TRIM13: variants seen among roughly 807,000 people sequenced by gnomAD.
TRIM13 encodes the protein E3 ubiquitin-protein ligase TRIM13.
A neutral mutation model predicts 27.1 loss-of-function variants in TRIM13; 15 were observed. The observed-to-expected ratio is 0.55, with a 90% CI of 0.37 to 0.85. TRIM13 has a LOEUF of 0.85. TRIM13 is among the 40% of genes least tolerant of loss of function. The probability of loss-of-function intolerance (pLI) is 0.00; values close to 1 mark genes in which losing one functional copy is unlikely to be tolerated. For synonymous variants in TRIM13, 193 were observed against 171.5 expected, an observed-to-expected ratio of 1.13 and a Z score of -0.98; for missense variants, 402 against 472.2, an observed-to-expected ratio of 0.85 and a Z score of 1.38.
chr13:50,016,051 T>C lies in TRIM13; in HGVS notation c.*2887T>C. ...TCCAGTGTGGTTCTGACAGCACTAC[T>C]GATAACCAAACTGGAGTCAGGTATT... On this transcript the variant is annotated 3_prime_UTR_variant, in exon 2 of 2. Transcript: ENST00000378182. The C allele has an allele frequency of 6.2e-7, 1 of 1,613,208 alleles. No individual in the cohort carries two copies. Among genetic ancestry groups the C allele is most frequent in the Non-Finnish European group, 8.5e-7 (1 of 1,179,186 alleles).
In TRIM13 at chr13:50,013,901, G is replaced by T. The variant is rs1594587447; in HGVS notation, c.*737G>T. The T allele has an allele frequency of 1.8e-5, 3 of 166,788 alleles. No homozygotes were observed. The Admixed American group carries it at 2.0e-4, about 11-fold the overall frequency. The allele number at this position is 166,788 out of a possible 1,614,324, so 10.3% of individuals were successfully genotyped here. ...GGTCTAAAAAAGGGAAGATATTGTA[G>T]AAGATTTCACACACACACGCGTGTG... On this transcript the variant is annotated 3_prime_UTR_variant, in exon 2 of 2. Transcript: ENST00000378182.
Position 50,012,201 on chromosome 13 carries a change from C to T in TRIM13, c.261C>T (p.Ile87=). The change falls in exon 2 of 2, where the codon ATC becomes ATT. Residue 87 remains isoleucine, a synonymous_variant. Coordinates refer to ENST00000378182, the MANE Select transcript of TRIM13 (RefSeq NM_213590.3). ...GIVEKYNKIK[I]SPKMPVCKGH... The stretch of plus-strand genomic sequence containing the variant: ...TGGAAAAGTATAACAAGATCAAGAT[C>T]TCTCCCAAAATGCCAGTATGCAAAG... 6.2e-7 allele frequency: 1 copy of T among 1,614,156 alleles called. No homozygotes were observed. Among genetic ancestry groups the T allele is most frequent in the Admixed American group, 1.7e-5 (1 of 60,008 alleles).
At position 50,015,119 on chromosome 13, in the gene TRIM13, A is replaced by T. The variant is rs1406398529; in HGVS notation, c.*1955A>T. On this transcript the variant is annotated 3_prime_UTR_variant, in exon 2 of 2. Coordinates refer to ENST00000378182, the MANE Select transcript of TRIM13 (RefSeq NM_213590.3). ...AATATATATATATATATATATATATATATATATATATATATATATATATAT... is the reference window on the plus strand; with the variant it reads ...AATATATATATATATATATATATATTTATATATATATATATATATATATAT... The T allele has an allele frequency of 4.6e-4, 13 of 27,984 alleles. 1 individual carries two copies. The highest frequency in any genetic ancestry group is 1.3e-3 in the Non-Finnish European group (12 of 9,334). 1.7% of individuals were successfully genotyped at this position (27,984 alleles called of 1,614,324 possible). A position where few individuals can be genotyped will look rare whatever the true frequency, so the allele number is the denominator to read the frequency against.
chr13:50,013,057 G>T lies in TRIM13; in HGVS notation c.1117G>T (p.Glu373Ter). ...CATAGAACAATCAGTTTTTTACTGG[G>T]AACAGGTGACAGATGGGTTTTTCAT... ...DFIEQSVFYW[E>*]QVTDGFFIFN... Residue 373 changes from glutamate (E) to a stop codon, truncating the protein, a stop_gained, in exon 2 of 2, where the codon GAA becomes TAA. Transcript: ENST00000378182. LOFTEE classifies it high-confidence loss of function. The T allele has an allele frequency of 6.2e-7, 1 of 1,613,892 alleles. No individual in the cohort carries two copies. Among genetic ancestry groups the T allele is most frequent in the South Asian group, 1.1e-5 (1 of 91,046 alleles).
At chr13:50,004,748 T>G (rs1000395701) in intron 1 of TRIM13, among the ~76,000 whole-genome samples, 7 of 144,896 alleles carry the variant, frequency 4.8e-5, no homozygotes, top group African/African-American at 1.8e-4. Flanking sequence ...CCACTGCACT[T>G]CAGTCTGGGT....
intron 1 of TRIM13, among the ~76,000 whole-genome samples, chr13:49,999,343 T>A (rs1262618437): frequency 6.6e-6 from 1 of 152,066 alleles, no homozygotes; most frequent in Non-Finnish European, 1.5e-5. Context: ...CAAAATCGAT[T>A]GCGTTTCACC....
chr13:49,997,989 T>C (rs1873447794), intron 1 of TRIM13, among the ~76,000 whole-genome samples: 1 of 152,198 alleles, frequency 6.6e-6, no homozygotes, highest in African/African-American at 2.4e-5. Flanking sequence ...AACATTCATA[T>C]TACAAAGGAA....
At chr13:49,998,927 CAAAA>C (rs564684054) in intron 1 of TRIM13, among the ~76,000 whole-genome samples, 1 of 109,068 alleles carries the variant, frequency 9.2e-6, no homozygotes, top group Non-Finnish European at 2.0e-5. Flanking sequence ...GAGACTCTAC[CAAAA>C]AAAAAAAAAA....
rs1017526016 is a variant in TRIM13, at chr13:50,016,740, T to C, written c.*3576T>C. 85 of 167,068 alleles carry C rather than the reference T, an allele frequency of 5.1e-4. No individual in the cohort carries two copies. The highest frequency in any genetic ancestry group is 7.9e-4 in the Non-Finnish European group (54 of 68,080). 10.3% of individuals were successfully genotyped at this position (167,068 alleles called of 1,614,324 possible). ...TCCACTCTGCTGTCACAAACATTTT[T>C]CCCCCCGTAAAATGTCTTAATGCTG... On this transcript the variant is annotated 3_prime_UTR_variant, in exon 2 of 2. Coordinates refer to ENST00000378182, the MANE Select transcript of TRIM13 (RefSeq NM_213590.3).
chr13:50,005,792 C>T lies in TRIM13; in HGVS notation c.-6-6143C>T, dbSNP rs116942827. 8.4e-4 allele frequency among the ~76,000 whole-genome samples: 124 copies of T among 148,136 alleles called. 2 individuals carry two copies. In the East Asian group the frequency reaches 0.02, roughly 24 times the overall value. On this transcript the variant is annotated intron_variant, in intron 1 of 1. Transcript: ENST00000378182. ...TTCACTCTTGTGCGATCATGGCTCACGGCAACCTCTGGCCTCACGGGTTCA... is the reference window on the plus strand; with the variant it reads ...TTCACTCTTGTGCGATCATGGCTCATGGCAACCTCTGGCCTCACGGGTTCA...
In TRIM13 at chr13:50,015,782, C is replaced by T. The variant is rs775187503; in HGVS notation, c.*2618C>T. ...CTATGAACTTCGTTCTCTAGTTGAT[C>T]TCTTAAACCCATACCTGCTACAGCC... On this transcript the variant is annotated 3_prime_UTR_variant, in exon 2 of 2. Coordinates refer to ENST00000378182, the MANE Select transcript of TRIM13 (RefSeq NM_213590.3). The T allele has an allele frequency of 6.2e-7, 1 of 1,614,092 alleles. No individual in the cohort carries two copies. The highest frequency in any genetic ancestry group is 8.5e-7 in the Non-Finnish European group (1 of 1,179,980).
chr13:50,013,518 C>CTTTTTTTTT lies in TRIM13; in HGVS notation c.*368_*376dup, dbSNP rs33989231. On this transcript the variant is annotated 3_prime_UTR_variant, in exon 2 of 2. Coordinates refer to ENST00000378182, the MANE Select transcript of TRIM13 (RefSeq NM_213590.3). The stretch of plus-strand genomic sequence containing the variant: ...TTCTTCAAGCATGCAGTAAAGATCA[C>CTTTTTTTTT]TTTTTTTTTTTTTTTTTTTTTTGAG... 1 of 86,302 alleles carries CTTTTTTTTT rather than the reference C, an allele frequency of 1.2e-5. No individual in the cohort carries two copies. The highest frequency in any genetic ancestry group is 2.7e-5 in the Non-Finnish European group (1 of 36,900). The allele number at this position is 86,302 out of a possible 1,614,324, so 5.3% of individuals were successfully genotyped here.
At position 50,014,817 on chromosome 13, in the gene TRIM13, T is replaced by A; in HGVS notation, c.*1653T>A. ...GTTCTTTACCTCAGTCCTCCTCTAATTTGGTTGAGAGGAGGTAATGAAAAT... is the reference window on the plus strand; with the variant it reads ...GTTCTTTACCTCAGTCCTCCTCTAAATTGGTTGAGAGGAGGTAATGAAAAT... On this transcript the variant is annotated 3_prime_UTR_variant, in exon 2 of 2. Transcript: ENST00000378182. 6.0e-6 allele frequency: 1 copy of A among 166,526 alleles called. No individual in the cohort carries two copies. The allele number at this position is 166,526 out of a possible 1,614,324, so 10.3% of individuals were successfully genotyped here.
intron 1 of TRIM13, among the ~76,000 whole-genome samples, chr13:50,011,377 G>GTA (rs565558967): frequency 3.4e-4 from 52 of 152,330 alleles, no homozygotes; most frequent in African/African-American, 1.3e-3. Flanking sequence ...ACCTAGAAGA[G>GTA]TGAATTGCAA....
At chr13:50,010,246 GT>G (rs1043571180) in intron 1 of TRIM13, among the ~76,000 whole-genome samples, 2 of 151,900 alleles carry the variant, frequency 1.3e-5, no homozygotes, top group African/African-American at 4.8e-5. Context: ...TAGAGGTGGA[GT>G]TTTGCTATGT....
chr13:50,000,148 T>C (rs1013498202), intron 1 of TRIM13, among the ~76,000 whole-genome samples: 3 of 152,208 alleles, frequency 2.0e-5, no homozygotes, highest in Non-Finnish European at 4.4e-5. Flanking sequence ...TTTTATATTT[T>C]AAACTCGGGT....
chr13:50,016,787 T>G lies in TRIM13; in HGVS notation c.*3623T>G, dbSNP rs1876645994. ...GCTGTCCTACCATTATTTTACCAACTGTGAAAGCTGGCTTTAATTTTTAGG... is the reference window on the plus strand; with the variant it reads ...GCTGTCCTACCATTATTTTACCAACGGTGAAAGCTGGCTTTAATTTTTAGG... On this transcript the variant is annotated 3_prime_UTR_variant, in exon 2 of 2. Transcript: ENST00000378182. 1 of 166,994 alleles carries G rather than the reference T, an allele frequency of 6.0e-6. No individual in the cohort carries two copies. The highest frequency in any genetic ancestry group is 2.1e-4 in the South Asian group (1 of 4,822). 10.3% of individuals were successfully genotyped at this position (166,994 alleles called of 1,614,324 possible). A position where few individuals can be genotyped will look rare whatever the true frequency, so the allele number is the denominator to read the frequency against.
Position 50,012,135 on chromosome 13 carries a change from A to G in TRIM13, c.195A>G (p.Gly65=). 6.2e-7 allele frequency: 1 copy of G among 1,614,146 alleles called. No homozygotes were observed. The highest frequency in any genetic ancestry group is 8.5e-7 in the Non-Finnish European group (1 of 1,180,014). Residue 65 remains glycine, a synonymous_variant, in exon 2 of 2, where the codon GGA becomes GGG. Coordinates refer to ENST00000378182, the MANE Select transcript of TRIM13 (RefSeq NM_213590.3). ...GCCGTAAGGAAACTTCAGCTACTGG[A>G]ATTAATAGCCTGCAGGTTAATTACT... ...PTCRKETSAT[G]INSLQVNYSL...
chr13:50,014,501 AC>A lies in TRIM13; in HGVS notation c.*1338del. The A allele has an allele frequency of 6.0e-6, 1 of 166,346 alleles. No individual in the cohort carries two copies. The highest frequency in any genetic ancestry group is 1.5e-5 in the Non-Finnish European group (1 of 67,996). 10.3% of individuals were successfully genotyped at this position (166,346 alleles called of 1,614,324 possible). A position where few individuals can be genotyped will look rare whatever the true frequency, so the allele number is the denominator to read the frequency against. On this transcript the variant is annotated 3_prime_UTR_variant, in exon 2 of 2. Transcript: ENST00000378182. Reference sequence around the variant, plus strand: ...GTTTTGTTCGAAAGATGGCAAGTGTACAACCAAACCAATCCACTTGCTTACA... The same window carrying A: ...GTTTTGTTCGAAAGATGGCAAGTGTAAACCAAACCAATCCACTTGCTTACA...
Sources: allele counts gnomAD v4.1 joint callset (sites outside exome capture counted in the v4.1 genomes callset), GRCh38; gene constraint gnomAD v4.1.1; transcripts MANE v1.5; gene names NCBI Gene and HGNC (gene_info 2026-07-23, HGNC 2026-07-21).